The following ZNF473 variants were observed in gnomAD, a reference collection of about 807,000 sequenced individuals.
ZNF473 encodes zinc finger protein 100 homolog.
A neutral mutation model predicts 11.1 loss-of-function variants in ZNF473; 4 were observed. The ratio of observed to expected loss-of-function variants is 0.36; its 90% CI spans 0.18 to 0.82. ZNF473 has a LOEUF of 0.82. ZNF473 is among the 40% of genes least tolerant of loss of function. ZNF473 has a pLI of 0.49. For synonymous variants in ZNF473, 404 were observed against 390.4 expected, an observed-to-expected ratio of 1.03 and a Z score of -0.41; for missense variants, 854 against 1,084.0, an observed-to-expected ratio of 0.79 and a Z score of 2.98.
At chr19:50,038,237 A>G (rs1978577144) in intron 2 of ZNF473, among the ~76,000 whole-genome samples, 1 of 148,918 alleles carries the variant, frequency 6.7e-6, no homozygotes, top group Non-Finnish European at 1.5e-5. Flanking sequence ...AAAATTTAAT[A>G]TATACATGCA....
At position 50,045,906 on chromosome 19, in the gene ZNF473, G is replaced by T. The variant is rs758027492; in HGVS notation, c.1463G>T (p.Ser488Ile). ...ATTCACACCGCAGAAAAGCCCTATAGCTGTGCTGAATGCAAGGAGACTTTC... is the reference window on the plus strand; with the variant it reads ...ATTCACACCGCAGAAAAGCCCTATATCTGTGCTGAATGCAAGGAGACTTTC... The part of the protein sequence containing the change: ...QAIHTAEKPY[S>I]CAECKETFSD... Residue 488 changes from serine (S) to isoleucine (I), a missense_variant, in exon 5 of 5, where the codon AGC (serine) becomes ATC (isoleucine). Physicochemically the swap from Ser to Ile is moderately radical, Grantham distance 142. Around this residue, in one of 2 missense-constraint regions of ZNF473, gnomAD observed 668 missense variants for 790.2 expected, o/e 0.85. Coordinates refer to ENST00000270617, the MANE Select transcript of ZNF473 (RefSeq NM_015428.4). 1 of 1,614,156 alleles carries T rather than the reference G, an allele frequency of 6.2e-7. No homozygotes were observed. The highest frequency in any genetic ancestry group is 8.5e-7 in the Non-Finnish European group (1 of 1,180,034).
At position 50,046,364 on chromosome 19, in the gene ZNF473, A is replaced by T. The variant is rs1233769834; in HGVS notation, c.1921A>T (p.Thr641Ser). Residue 641 changes from threonine (T) to serine (S), a missense_variant, in exon 5 of 5, where the codon ACA becomes TCA. By Grantham distance (58) the Thr-to-Ser change is moderately conservative. Coordinates refer to ENST00000270617, the MANE Select transcript of ZNF473 (RefSeq NM_015428.4). The surrounding 1 kb of genome is among the most constrained non-coding windows in gnomAD (Gnocchi z 5.9). Reference protein sequence around the residue: ...ASLIKLQSFHTKEHPFKCNEC... With the variant: ...ASLIKLQSFHSKEHPFKCNEC... ...CCTTATCAAACTTCAGTCCTTCCAC[A>T]CAAAGGAGCACCCTTTTAAATGTAA... The T allele has an allele frequency of 1.2e-6, 2 of 1,614,066 alleles. No homozygotes were observed. The highest frequency in any genetic ancestry group is 1.7e-6 in the Non-Finnish European group (2 of 1,180,034).
At position 50,048,774 on chromosome 19, in the gene ZNF473, A is replaced by G. The variant is rs1979287339; in HGVS notation, c.*1715A>G. 2 of 152,244 alleles carry G rather than the reference A, an allele frequency of 1.3e-5. No individual in the cohort carries two copies. The highest frequency in any genetic ancestry group is 4.1e-4 in the South Asian group (2 of 4,830). The allele number at this position is 152,244 out of a possible 1,614,324, so 9.4% of individuals were successfully genotyped here. On this transcript the variant is annotated 3_prime_UTR_variant, in exon 5 of 5. Coordinates refer to ENST00000270617, the MANE Select transcript of ZNF473 (RefSeq NM_015428.4). The stretch of plus-strand genomic sequence containing the variant: ...TTCTCTGATTAAAGTTTTGAGTCTA[A>G]AAGCATTGGTTCCTTCTCTCAGCCT...
In ZNF473 at chr19:50,039,890, C is replaced by T. The variant is rs1009049685; in HGVS notation, c.136+603C>T. Among the ~76,000 whole-genome samples, 3 of 152,176 alleles carry T rather than the reference C, an allele frequency of 2.0e-5. No individual in the cohort carries two copies. Among genetic ancestry groups the T allele is most frequent in the Non-Finnish European group, 4.4e-5 (3 of 68,034 alleles). ...CAGGGCGTGTCCCCAGTGTTTGGAA[C>T]GAACAGTACCTGCTCTAGGGCCCAG... On this transcript the variant is annotated intron_variant, in intron 3 of 4. Transcript: ENST00000270617. This position sits in a 1 kb window ranked among gnomAD's most constrained non-coding sequence, Gnocchi z 4.8.
chr19:50,033,133 A>G (rs1052259908), intron 2 of ZNF473, among the ~76,000 whole-genome samples: 2 of 152,186 alleles, frequency 1.3e-5, no homozygotes, highest in African/African-American at 4.8e-5. Context: ...AGTAAATCCC[A>G]TAGAATGCAG....
intron 2 of ZNF473, among the ~76,000 whole-genome samples, chr19:50,037,879 T>C (rs1221486682): frequency 6.6e-6 from 1 of 151,834 alleles, no homozygotes; most frequent in African/African-American, 2.4e-5. Flanking sequence ...GATTTATAAA[T>C]TACCATAACT....
chr19:50,036,921 G>A (rs987938086), intron 2 of ZNF473, among the ~76,000 whole-genome samples: 1 of 152,178 alleles, frequency 6.6e-6, no homozygotes, highest in Non-Finnish European at 1.5e-5. Flanking sequence ...AACAGAAGAT[G>A]GACTAATACA....
intron 2 of ZNF473, among the ~76,000 whole-genome samples, chr19:50,035,652 T>C (rs1978387094): frequency 6.6e-6 from 1 of 152,132 alleles, no homozygotes; most frequent in South Asian, 2.1e-4. Flanking sequence ...GACAGATAAG[T>C]AGACAACAAG....
At chr19:50,037,158 C>T (rs989982536) in intron 2 of ZNF473, among the ~76,000 whole-genome samples, 4 of 152,072 alleles carry the variant, frequency 2.6e-5, no homozygotes, top group African/African-American at 9.7e-5. Flanking sequence ...GCCCCTTTGT[C>T]GAGCTCTTCC....
intron 2 of ZNF473, among the ~76,000 whole-genome samples, chr19:50,038,414 C>T (rs1439529077): frequency 1.3e-5 from 2 of 151,916 alleles, no homozygotes; most frequent in African/African-American, 4.8e-5. Context: ...TGGGTCTTTC[C>T]CCCAGAAGCT....
intron 1 of ZNF473, 85 bp from the exon 2 acceptor site, chr19:50,030,807 G>A (rs1043548152): frequency 1.5e-5 from 8 of 535,444 alleles, no homozygotes; most frequent in East Asian, 3.2e-5. Flanking sequence ...TGTTGGTGGC[G>A]AAGCTGTTCT....
chr19:50,031,394 C>A (rs1348873906), intron 2 of ZNF473, among the ~76,000 whole-genome samples: 2 of 152,118 alleles, frequency 1.3e-5, no homozygotes, highest in East Asian at 3.8e-4. Flanking sequence ...CTCTTTGCAC[C>A]ATCTTCTGTC....
At chr19:50,044,206 G>A (rs142269192) in intron 4 of ZNF473, among the ~76,000 whole-genome samples, 4 of 152,228 alleles carry the variant, frequency 2.6e-5, no homozygotes, top group East Asian at 1.9e-4. Flanking sequence ...GAGACATTTC[G>A]ATAGAGACCA....
rs1978976165 is a variant in ZNF473, at chr19:50,044,839, T to C, written c.396T>C (p.Leu132=). The C allele has an allele frequency of 6.2e-7, 1 of 1,614,214 alleles. No homozygotes were observed. The highest frequency in any genetic ancestry group is 8.5e-7 in the Non-Finnish European group (1 of 1,180,040). Reference sequence around the variant, plus strand: ...GTTTGCTAGGCGATCCAGAAAGTCTTCTGAGGTCTGATATTGCCACCAACG... The same window carrying C: ...GTTTGCTAGGCGATCCAGAAAGTCTCCTGAGGTCTGATATTGCCACCAACG... ...LDSLLGDPES[L]LRSDIATNGE... Residue 132 remains leucine (L), a synonymous_variant, in exon 5 of 5, where the codon CTT becomes CTC. Coordinates refer to ENST00000270617, the MANE Select transcript of ZNF473 (RefSeq NM_015428.4).
At position 50,046,211 on chromosome 19, in the gene ZNF473, C is replaced by G. The variant is rs1453936127; in HGVS notation, c.1768C>G (p.Pro590Ala). Residue 590 changes from proline (P) to alanine (A), a missense_variant, in exon 5 of 5, where the codon CCC becomes GCC. Pro to Ala is a conservative substitution (Grantham distance 27, BLOSUM62 -1). This residue lies in a region of ZNF473 where 668 missense variants were observed against 790.2 expected (regional missense o/e 0.85). Transcript: ENST00000270617. This position sits in a 1 kb window ranked among gnomAD's most constrained non-coding sequence, Gnocchi z 5.9. ...HERIHTRGVK[P>A]FECDQCGKAF... Reference sequence around the variant, plus strand: ...GAGGATTCACACCAGGGGAGTGAAGCCCTTTGAATGTGACCAGTGTGGGAA... The same window carrying G: ...GAGGATTCACACCAGGGGAGTGAAGGCCTTTGAATGTGACCAGTGTGGGAA... The G allele has an allele frequency of 6.2e-7, 1 of 1,614,142 alleles. No individual in the cohort carries two copies. Among genetic ancestry groups the G allele is most frequent in the Non-Finnish European group, 8.5e-7 (1 of 1,180,034 alleles).
intron 4 of ZNF473, 96 bp from the exon 5 acceptor site, chr19:50,044,574 G>C: frequency 9.6e-7 from 1 of 1,042,910 alleles, no homozygotes; most frequent in Non-Finnish European, 1.4e-6. Flanking sequence ...TGGGTCCCTT[G>C]ATGGATAGGC....
chr19:50,036,463 G>C (rs892382566), intron 2 of ZNF473, among the ~76,000 whole-genome samples: 1 of 150,144 alleles, frequency 6.7e-6, no homozygotes, highest in Non-Finnish European at 1.5e-5. Context: ...ACAGGTGCCC[G>C]CCACCATGCC....
In ZNF473 at chr19:50,047,204, A is replaced by G; in HGVS notation, c.*145A>G. 2.7e-6 allele frequency: 2 copies of G among 735,632 alleles called. No individual in the cohort carries two copies. Among genetic ancestry groups the G allele is most frequent in the Admixed American group, 2.9e-5 (1 of 34,112 alleles). The allele number at this position is 735,632 out of a possible 1,614,324, so 45.6% of individuals were successfully genotyped here. A position where few individuals can be genotyped will look rare whatever the true frequency, so the allele number is the denominator to read the frequency against. On this transcript the variant is annotated 3_prime_UTR_variant, in exon 5 of 5. Coordinates refer to ENST00000270617, the MANE Select transcript of ZNF473 (RefSeq NM_015428.4). Reference sequence around the variant, plus strand: ...TGTGCGCATGTTTTTCATTATAACAATGAAAACACAAAAGTGGAGAAGCTG... The same window carrying G: ...TGTGCGCATGTTTTTCATTATAACAGTGAAAACACAAAAGTGGAGAAGCTG...
intron 2 of ZNF473, among the ~76,000 whole-genome samples, chr19:50,033,830 C>T (rs1425090061): frequency 6.6e-6 from 1 of 152,192 alleles, no homozygotes; most frequent in Non-Finnish European, 1.5e-5. Flanking sequence ...CACCTCTTTT[C>T]TCCTGTGATT....
Sources: allele counts gnomAD v4.1 joint callset (sites outside exome capture counted in the v4.1 genomes callset), GRCh38; gene constraint gnomAD v4.1.1; regional missense constraint gnomAD v4.1.1; non-coding constraint Gnocchi (gnomAD v3.1); transcripts MANE v1.5; gene names NCBI Gene and HGNC (gene_info 2026-07-23, HGNC 2026-07-21).